The following DDX24 variants were observed in gnomAD, a reference collection of about 807,000 sequenced individuals.
The protein encoded by DDX24 is ATP-dependent RNA helicase DDX24.
DDX24 carries 24 observed loss-of-function variants against 68.9 expected under a neutral mutation model. The ratio of observed to expected loss-of-function variants is 0.35; its 90% CI spans 0.25 to 0.49. The LOEUF (loss-of-function observed/expected upper bound fraction) is 0.49, where lower values mean the gene tolerates loss of function less well. Among genes scored for constraint, DDX24 ranks in the 20% least tolerant of loss-of-function variants. The probability of loss-of-function intolerance (pLI) is 0.99; values close to 1 mark genes in which losing one functional copy is unlikely to be tolerated. For missense variants in DDX24, 989 were observed against 1,039.0 expected (o/e 0.95, Z 0.66); for synonymous variants, 395 against 385.2 (o/e 1.03, Z -0.30).
chr14:94,059,559 G>A (rs1885552839), intron 5 of DDX24, among the ~76,000 whole-genome samples: 1 of 152,214 alleles, frequency 6.6e-6, no homozygotes, highest in Admixed American at 6.5e-5. Flanking sequence ...CTATGTGCTA[G>A]AGACTGTTCT....
chr14:94,063,808 C>T (rs1885643083), intron 2 of DDX24, among the ~76,000 whole-genome samples: 1 of 152,148 alleles, frequency 6.6e-6, no homozygotes, highest in Non-Finnish European at 1.5e-5. Context: ...GAGGCTGAGG[C>T]AGGAGGATTG....
chr14:94,048,697 T>A lies in DDX24; in HGVS notation c.*2494A>T, dbSNP rs1885328295. ...ATAGGGCACTGCAGATGGGGAAGCA[T>A]GTCACCTTGGCAGTGACTCGGTGGC... On this transcript the variant is annotated 3_prime_UTR_variant, in exon 9 of 9. Coordinates refer to ENST00000621632, the MANE Select transcript of DDX24 (RefSeq NM_020414.4). 1 of 152,212 alleles carries A rather than the reference T, an allele frequency of 6.6e-6. No homozygotes were observed. Among genetic ancestry groups the A allele is most frequent in the African/African-American group, 2.4e-5 (1 of 41,438 alleles). 9.4% of individuals were successfully genotyped at this position (152,212 alleles called of 1,614,324 possible).
In DDX24 at chr14:94,060,349, T is replaced by C. The variant is rs747549594; in HGVS notation, c.1662A>G (p.Thr554=). 15 of 1,614,190 alleles carry C rather than the reference T, an allele frequency of 9.3e-6. No homozygotes were observed. Among genetic ancestry groups the C allele is most frequent in the Non-Finnish European group, 1.3e-5 (15 of 1,180,040 alleles). The change falls in exon 5 of 9, where the codon ACA becomes ACG. Residue 554 remains threonine (T), a synonymous_variant. Transcript: ENST00000621632. The stretch of plus-strand genomic sequence containing the variant: ...GCGTCTCCACCGTGGCCTCATTCCT[T>C]GTGAGGTCAATGACCTTGGGCTTGC... ...MRGKPKVIDL[T]RNEATVETLT...
intron 7 of DDX24, among the ~76,000 whole-genome samples, chr14:94,053,753 G>A (rs1037962264): frequency 1.3e-5 from 2 of 152,194 alleles, no homozygotes; most frequent in African/African-American, 2.4e-5. Context: ...GGCGAAGGTT[G>A]TGGTGAGCCA....
intron 8 of DDX24, 75 bp from the exon 9 acceptor site, chr14:94,051,537 C>T (rs1179371573): frequency 6.7e-7 from 1 of 1,483,136 alleles, no homozygotes; most frequent in Non-Finnish European, 8.9e-7. Context: ...ATGGGTAACA[C>T]AGTGAAAAAT....
intron 2 of DDX24, among the ~76,000 whole-genome samples, chr14:94,067,061 T>TA (rs1204447591): frequency 1.3e-5 from 2 of 151,940 alleles, no homozygotes; most frequent in East Asian, 1.9e-4. Context: ...CAGAGAAAGA[T>TA]AAAGTCTCAA....
Position 94,079,762 on chromosome 14 carries a change from C to G in DDX24, c.-5-15G>C. The G allele has an allele frequency of 6.2e-7, 1 of 1,606,262 alleles. No individual in the cohort carries two copies. Among genetic ancestry groups the G allele is most frequent in the Non-Finnish European group, 8.5e-7 (1 of 1,175,672 alleles). On this transcript the variant is annotated splice_polypyrimidine_tract_variant and intron_variant, in intron 1 of 8. Coordinates refer to ENST00000621632, the MANE Select transcript of DDX24 (RefSeq NM_020414.4). ...CTTCATGGTTGCTGAAAAGGAGATA[C>G]ATGTTCTATTAGGTTGGTGTCTGAG... is the stretch of plus-strand genomic sequence containing the variant.
rs367574129 is a variant in DDX24, at chr14:94,062,371, G to T, written c.969C>A (p.Gly323=). The change falls in exon 3 of 9, where the codon GGC becomes GGA. Residue 323 remains glycine, a synonymous_variant. Transcript: ENST00000621632. The part of the protein sequence containing the change: ...IAAEARAKTG[G]TVSDQALLFG... ...AGAGCAACGCCTGGTCTGAGACAGTGCCTCCAGTCTTGGCTCTGGCCTCGG... is the reference window on the plus strand; with the variant it reads ...AGAGCAACGCCTGGTCTGAGACAGTTCCTCCAGTCTTGGCTCTGGCCTCGG... 6.2e-7 allele frequency: 1 copy of T among 1,614,198 alleles called. No homozygotes were observed. Among genetic ancestry groups the T allele is most frequent in the South Asian group, 1.1e-5 (1 of 91,082 alleles).
chr14:94,052,969 C>T, intron 8 of DDX24, 29 bp downstream of exon 8: 5 of 1,588,412 alleles, frequency 3.1e-6, no homozygotes, highest in Non-Finnish European at 4.3e-6. Flanking sequence ...TTTCAACTTC[C>T]TCAATTCCCA....
In DDX24 at chr14:94,051,065, G is replaced by C. The variant is rs1008418864; in HGVS notation, c.*126C>G. 4 of 1,128,626 alleles carry C rather than the reference G, an allele frequency of 3.5e-6. No homozygotes were observed. The highest frequency in any genetic ancestry group is 4.9e-6 in the Non-Finnish European group (4 of 809,966). The allele number at this position is 1,128,626 out of a possible 1,614,324, so 69.9% of individuals were successfully genotyped here. On this transcript the variant is annotated 3_prime_UTR_variant, in exon 9 of 9. Transcript: ENST00000621632. ...GCATGAGGTCTCTCCCGCTATGGGT[G>C]TGAGTGGAAGAGAGGGAGACTTTTT...
At position 94,055,154 on chromosome 14, in the gene DDX24, G is replaced by A. The variant is rs1885468820; in HGVS notation, c.2020C>T (p.Arg674Ter). 1 of 1,613,956 alleles carries A rather than the reference G, an allele frequency of 6.2e-7. No homozygotes were observed. The highest frequency in any genetic ancestry group is 1.3e-5 in the African/African-American group (1 of 75,016). The stretch of plus-strand genomic sequence containing the variant: ...GTAGCTCGAGCAGTTCGACCACTTC[G>A]GTGGACATAAATCTCCGAGGTACGT... ...VPRTSEIYVH[R>*]SGRTARATNE... Residue 674 changes from arginine to a stop codon, truncating the protein, a stop_gained, in exon 7 of 9, where the codon CGA (arginine) becomes TGA (stop). Transcript: ENST00000621632. LOFTEE classifies it high-confidence loss of function.
At chr14:94,072,998 C>T (rs1885863783) in intron 2 of DDX24, among the ~76,000 whole-genome samples, 1 of 134,054 alleles carries the variant, frequency 7.5e-6, no homozygotes, top group Non-Finnish European at 1.7e-5. Flanking sequence ...ATCAGGTATG[C>T]TATCAGTCAA....
chr14:94,050,565 C>A lies in DDX24; in HGVS notation c.*626G>T, dbSNP rs1567056201. 6.6e-6 allele frequency: 1 copy of A among 152,294 alleles called. No homozygotes were observed. Among genetic ancestry groups the A allele is most frequent in the South Asian group, 2.1e-4 (1 of 4,830 alleles). The allele number at this position is 152,294 out of a possible 1,614,324, so 9.4% of individuals were successfully genotyped here. On this transcript the variant is annotated 3_prime_UTR_variant, in exon 9 of 9. Coordinates refer to ENST00000621632, the MANE Select transcript of DDX24 (RefSeq NM_020414.4). ...TGAGGGCTTCACACGCCAGACCTAG[C>A]GACTGTTACTGTTGGCTCTGTGATG...
intron 2 of DDX24, among the ~76,000 whole-genome samples, chr14:94,074,293 A>G (rs1426925379): frequency 6.6e-6 from 1 of 152,172 alleles, no homozygotes; most frequent in African/African-American, 2.4e-5. Context: ...AACTACAACT[A>G]TCCCATGAAC....
intron 1 of DDX24, among the ~76,000 whole-genome samples, 168 bp from the exon 2 acceptor site, chr14:94,079,915 C>G (rs1223981997): frequency 6.6e-6 from 1 of 152,084 alleles, no homozygotes; most frequent in African/African-American, 2.4e-5. Flanking sequence ...ACAGAACAGA[C>G]AGCTTTGCCT....
chr14:94,078,281 T>C (rs979122649), intron 2 of DDX24, among the ~76,000 whole-genome samples: 1 of 152,170 alleles, frequency 6.6e-6, no homozygotes, highest in Non-Finnish European at 1.5e-5. Context: ...CAATCCTCCA[T>C]GGATATCAAG....
At chr14:94,077,039 AATAAC>A (rs1885956660) in intron 2 of DDX24, among the ~76,000 whole-genome samples, 1 of 152,254 alleles carries the variant, frequency 6.6e-6, no homozygotes, top group African/African-American at 2.4e-5. Context: ...CAATTTTCTT[AATAAC>A]ATTTTTTCTC....
In DDX24 at chr14:94,051,252, T is replaced by C. The variant is rs761434640; in HGVS notation, c.2519A>G (p.Lys840Arg). ...CTGTGGCTCCTTCGGCTTCTTTGTCTTCTTCTTCTTCTGCTTGGAGAGACA... is the reference window on the plus strand; with the variant it reads ...CTGTGGCTCCTTCGGCTTCTTTGTCCTCTTCTTCTTCTGCTTGGAGAGACA... ...LSCLSKQKKKKTKKPKEPQPE... is the reference protein window; with the variant it reads ...LSCLSKQKKKRTKKPKEPQPE... Residue 840 changes from lysine to arginine, a missense_variant, in exon 9 of 9, where the codon AAG becomes AGG. This residue lies in a region of DDX24 where 691 missense variants were observed against 760.0 expected (regional missense o/e 0.91). Coordinates refer to ENST00000621632, the MANE Select transcript of DDX24 (RefSeq NM_020414.4). The C allele has an allele frequency of 1.9e-6, 3 of 1,572,752 alleles. No individual in the cohort carries two copies. The highest frequency in any genetic ancestry group is 2.6e-6 in the Non-Finnish European group (3 of 1,160,606).
rs773387913 is a variant in DDX24 at position 94,053,087 on chromosome 14, T to C, written c.2219A>G (p.Tyr740Cys). The change falls in exon 8 of 9, where the codon TAT becomes TGT. Residue 740 changes from tyrosine to cysteine, a missense_variant. Physicochemically the swap from Tyr to Cys is radical, Grantham distance 194. Around this residue, in one of 3 missense-constraint regions of DDX24, gnomAD observed 691 missense variants for 760.0 expected, o/e 0.91. Transcript: ENST00000621632. ...RLARQIEKSE[Y>C]RNFQACLHNS... is the part of the protein sequence containing the mutation. Reference sequence around the variant, plus strand: ...GTGCAGGCAAGCCTGGAAGTTCCGATACTCAGATTTCTCAATCTGTCGAGC... The same window carrying C: ...GTGCAGGCAAGCCTGGAAGTTCCGACACTCAGATTTCTCAATCTGTCGAGC... 12 of 1,614,214 alleles carry C rather than the reference T, an allele frequency of 7.4e-6. No homozygotes were observed. Among genetic ancestry groups the C allele is most frequent in the Middle Eastern group, 1.7e-4 (1 of 6,060 alleles).
Sources: allele counts gnomAD v4.1 joint callset (sites outside exome capture counted in the v4.1 genomes callset), GRCh38; gene constraint gnomAD v4.1.1; regional missense constraint gnomAD v4.1.1; transcripts MANE v1.5; gene names NCBI Gene and HGNC (gene_info 2026-07-23, HGNC 2026-07-21).